CDC73: variants seen among roughly 807,000 people sequenced by gnomAD.
CDC73 encodes the protein parafibromin.
In CDC73, 21 loss-of-function variants were observed where a neutral mutation model predicts 83.7. The ratio of observed to expected loss-of-function variants is 0.25; its 90% CI spans 0.18 to 0.36. The LOEUF is 0.36. Ranked by LOEUF, CDC73 falls within the 10% of genes least tolerant of loss-of-function variation. CDC73 has a pLI of 1.00. For synonymous variants in CDC73, 224 were observed against 212.9 expected (o/e 1.05, Z -0.45); for missense variants, 342 against 653.3 (o/e 0.52, Z 5.19).
chr1:193,200,283 G>A (rs1677071018), intron 10 of CDC73, among the ~76,000 whole-genome samples: 1 of 152,048 alleles, frequency 6.6e-6, no homozygotes, highest in Non-Finnish European at 1.5e-5. Flanking sequence ...AATGTATATA[G>A]TGTGTTCTTT....
intron 7 of CDC73, among the ~76,000 whole-genome samples, chr1:193,147,267 C>T (rs922460866): frequency 6.6e-6 from 1 of 152,076 alleles, no homozygotes; most frequent in African/African-American, 2.4e-5. Flanking sequence ...GCTGGGATTA[C>T]AGTCACGAGC....
intron 15 of CDC73, among the ~76,000 whole-genome samples, chr1:193,243,594 A>C (rs1168643855): frequency 3.3e-5 from 5 of 152,224 alleles, no homozygotes; most frequent in Non-Finnish European, 5.9e-5. Context: ...CAAATAGTTG[A>C]ACAAGTTAGA....
rs1344533583 is a variant in CDC73, at chr1:193,203,777, A to G, written c.973-18A>G. On this transcript the variant is annotated intron_variant, in intron 10 of 16. Coordinates refer to ENST00000367435, the MANE Select transcript of CDC73 (RefSeq NM_024529.5). ...AAAGAAACTTTGATCTTATATATCA[A>G]TTCTTATTCTTTTAAAGGAGGGTGC... 23 of 1,596,662 alleles carry G rather than the reference A, an allele frequency of 1.4e-5. No individual in the cohort carries two copies. Among genetic ancestry groups the G allele is most frequent in the Non-Finnish European group, 1.9e-5 (22 of 1,164,332 alleles).
chr1:193,137,288 A>G (rs1031913822), intron 5 of CDC73, among the ~76,000 whole-genome samples: 1 of 152,222 alleles, frequency 6.6e-6, no homozygotes, highest in African/African-American at 2.4e-5. Context: ...TTTTTACATG[A>G]TAGATTAATA....
intron 13 of CDC73, among the ~76,000 whole-genome samples, chr1:193,229,749 T>A (rs920425912): frequency 1.2e-4 from 18 of 152,164 alleles, no homozygotes; most frequent in Non-Finnish European, 2.1e-4. Context: ...TACTGATACA[T>A]CCCACAGCAG....
At chr1:193,177,174 T>C (rs554779626) in intron 10 of CDC73, among the ~76,000 whole-genome samples, 31 of 151,904 alleles carry the variant, frequency 2.0e-4, no homozygotes, top group African/African-American at 7.2e-4. Flanking sequence ...CTCTAGACTT[T>C]TTTTTTTAAT....
chr1:193,174,616 C>A (rs373011417), intron 10 of CDC73, among the ~76,000 whole-genome samples: 19 of 152,116 alleles, frequency 1.2e-4, no homozygotes, highest in African/African-American at 4.6e-4. Flanking sequence ...ACTTGACAAT[C>A]CTTTCATACA....
intron 13 of CDC73, among the ~76,000 whole-genome samples, chr1:193,226,846 G>A (rs1426106878): frequency 6.6e-6 from 1 of 152,224 alleles, no homozygotes; most frequent in African/African-American, 2.4e-5. Context: ...ATGATTTAGG[G>A]AGGATTCTCT....
At chr1:193,247,725 G>A (rs1290752701) in intron 15 of CDC73, among the ~76,000 whole-genome samples, 1 of 152,088 alleles carries the variant, frequency 6.6e-6, no homozygotes, top group Non-Finnish European at 1.5e-5. Flanking sequence ...TGATTGGTAT[G>A]GAAAGCAGAT....
At chr1:193,153,710 G>T (rs1676160126) in intron 10 of CDC73, among the ~76,000 whole-genome samples, 1 of 152,112 alleles carries the variant, frequency 6.6e-6, no homozygotes, top group South Asian at 2.1e-4. Context: ...CATCAGATTT[G>T]TTTTTGTATT....
intron 13 of CDC73, among the ~76,000 whole-genome samples, chr1:193,227,018 A>G (rs1677577581): frequency 6.6e-6 from 1 of 151,936 alleles, no homozygotes; most frequent in Non-Finnish European, 1.5e-5. Flanking sequence ...TGTTTAGGGT[A>G]TCCAGTTCTT....
chr1:193,253,487 T>C lies in CDC73; in HGVS notation c.*2775T>C, dbSNP rs947642001. 2 of 232,320 alleles carry C rather than the reference T, an allele frequency of 8.6e-6. No individual in the cohort carries two copies. The highest frequency in any genetic ancestry group is 1.8e-4 in the South Asian group (1 of 5,516). 14.4% of individuals were successfully genotyped at this position (232,320 alleles called of 1,614,324 possible). On this transcript the variant is annotated 3_prime_UTR_variant, in exon 17 of 17. Transcript: ENST00000367435. ...TTGGTGGTATTGGCCTATATTCCCA[T>C]TGACAAATGCAATTTTTAATTATTT...
intron 13 of CDC73, among the ~76,000 whole-genome samples, chr1:193,222,258 C>T (rs534069909): frequency 2.0e-5 from 3 of 152,148 alleles, no homozygotes; most frequent in East Asian, 1.9e-4. Context: ...AAAGATTGTG[C>T]GCAGAAGGAG....
intron 10 of CDC73, among the ~76,000 whole-genome samples, chr1:193,191,562 A>G (rs1333385336): frequency 6.6e-6 from 1 of 151,852 alleles, no homozygotes. Context: ...TAATTTTTGT[A>G]TTTTTAGTAG....
rs2103111371 is a variant in CDC73 at position 193,122,143 on chromosome 1, G to A, written c.-58G>A. 6.4e-7 allele frequency: 1 copy of A among 1,560,244 alleles called. No individual in the cohort carries two copies. Among genetic ancestry groups the A allele is most frequent in the Non-Finnish European group, 8.8e-7 (1 of 1,132,166 alleles). ...GAGGGCGAGGCGACAAGAGAAGAAG[G>A]AGGCAGGCGCGGCGGCAGCGGCGGC... On this transcript the variant is annotated 5_prime_UTR_variant, in exon 1 of 17. Coordinates refer to ENST00000367435, the MANE Select transcript of CDC73 (RefSeq NM_024529.5).
intron 13 of CDC73, among the ~76,000 whole-genome samples, chr1:193,219,237 A>T (rs998744299): frequency 1.3e-5 from 2 of 152,200 alleles, no homozygotes; most frequent in Non-Finnish European, 2.9e-5. Context: ...AACATCAGAA[A>T]ATAATAGATC....
At chr1:193,217,114 G>A (rs1213804134) in intron 13 of CDC73, among the ~76,000 whole-genome samples, 1 of 152,122 alleles carries the variant, frequency 6.6e-6, no homozygotes, top group Non-Finnish European at 1.5e-5. Context: ...CAGGGCTTGC[G>A]GTGGGGGTGT....
intron 10 of CDC73, among the ~76,000 whole-genome samples, chr1:193,186,840 T>G (rs1676818677): frequency 6.6e-6 from 1 of 152,154 alleles, no homozygotes; most frequent in Non-Finnish European, 1.5e-5. Flanking sequence ...TTTTTCCAGC[T>G]TACTTCCTTT....
At chr1:193,203,619 G>T (rs971954990) in intron 10 of CDC73, among the ~76,000 whole-genome samples, 176 bp from the exon 11 acceptor site, 1 of 152,060 alleles carries the variant, frequency 6.6e-6, no homozygotes, top group Non-Finnish European at 1.5e-5. Context: ...GATCAGGAGA[G>T]TTTTCATTTT....
Sources: gnomAD v4.1 joint callset for allele counts (sites outside exome capture counted in the v4.1 genomes callset) on GRCh38, gnomAD v4.1.1 for gene constraint, MANE v1.5 for transcripts, NCBI Gene and HGNC (gene_info 2026-07-23, HGNC 2026-07-21) for gene names.